AFG1L: variants seen among roughly 807,000 people sequenced by gnomAD.
The protein encoded by AFG1L is AFG1-like ATPase.
In AFG1L, 53 loss-of-function variants were observed where a neutral mutation model predicts 62.2. The ratio of observed to expected loss-of-function variants is 0.85; its 90% CI spans 0.68 to 1.07. The LOEUF (loss-of-function observed/expected upper bound fraction) is 1.07. Ranked by LOEUF, AFG1L falls within the 50% of genes least tolerant of loss-of-function variation. The pLI is 0.00. For synonymous variants in AFG1L, 228 were observed against 210.3 expected, an observed-to-expected ratio of 1.08 and a Z score of -0.73; for missense variants, 555 against 590.5, an observed-to-expected ratio of 0.94 and a Z score of 0.62.
intron 7 of AFG1L, among the ~76,000 whole-genome samples, chr6:108,428,963 A>G (rs1770945416): frequency 6.6e-6 from 1 of 151,956 alleles, no homozygotes; most frequent in Non-Finnish European, 1.5e-5. Flanking sequence ...TTTTTGCTGT[A>G]CTTGCTTTTG....
intron 1 of AFG1L, among the ~76,000 whole-genome samples, chr6:108,296,472 T>G (rs1776770380): frequency 6.6e-6 from 1 of 152,182 alleles, no homozygotes; most frequent in Admixed American, 6.5e-5. Context: ...GTTTTTCTCC[T>G]CAGAGGCAAT....
At chr6:108,346,554 G>T (rs967829957) in intron 2 of AFG1L, among the ~76,000 whole-genome samples, 19 of 152,080 alleles carry the variant, frequency 1.2e-4, no homozygotes, top group African/African-American at 4.6e-4. Context: ...TATTTGCAGA[G>T]ATGAGGTCTC....
intron 3 of AFG1L, among the ~76,000 whole-genome samples, chr6:108,352,866 C>G (rs1779136831): frequency 6.6e-6 from 1 of 152,038 alleles, no homozygotes; most frequent in African/African-American, 2.4e-5. Context: ...CCACCTGTTC[C>G]TTATATTATT....
At chr6:108,404,952 A>G (rs1427677571) in intron 7 of AFG1L, among the ~76,000 whole-genome samples, 1 of 151,922 alleles carries the variant, frequency 6.6e-6, no homozygotes. Flanking sequence ...CTGGTCTCAA[A>G]CTCCTGACCT....
chr6:108,481,919 A>G (rs2114827284), intron 10 of AFG1L, among the ~76,000 whole-genome samples: 1 of 152,230 alleles, frequency 6.6e-6, no homozygotes, highest in East Asian at 1.9e-4. Flanking sequence ...TTTGACAGAC[A>G]TTTTCTTGAA....
rs1470005469 is a variant in AFG1L, at chr6:108,356,700, C to T, written c.528C>T (p.Arg176=). 6.2e-7 allele frequency: 1 copy of T among 1,608,682 alleles called. No homozygotes were observed. The highest frequency in any genetic ancestry group is 8.5e-7 in the Non-Finnish European group (1 of 1,177,364). The change falls in exon 5 of 13, where the codon CGC becomes CGT. Residue 176 remains arginine (R), a synonymous_variant. Coordinates refer to ENST00000368977, the MANE Select transcript of AFG1L (RefSeq NM_145315.5). ...FMLDVHKRIH[R]LKQSLPKRKP... is the part of the protein sequence containing the mutation. ...TTTCATGCATTTAAGGAATACATCG[C>T]CTTAAACAGAGTTTGCCAAAAAGGA...
intron 6 of AFG1L, among the ~76,000 whole-genome samples, chr6:108,376,854 A>G (rs981900254): frequency 6.6e-6 from 1 of 152,028 alleles, no homozygotes; most frequent in African/African-American, 2.4e-5. Flanking sequence ...CCCTACTATT[A>G]TTGTGTGGCT....
At chr6:108,369,222 G>A (rs907478576) in intron 6 of AFG1L, among the ~76,000 whole-genome samples, 26 of 152,136 alleles carry the variant, frequency 1.7e-4, no homozygotes, top group East Asian at 7.7e-4. Context: ...AAGGTCCAGG[G>A]TGAGGAGGTG....
chr6:108,447,868 A>G (rs1161272122), intron 8 of AFG1L, among the ~76,000 whole-genome samples: 1 of 152,200 alleles, frequency 6.6e-6, no homozygotes, highest in East Asian at 1.9e-4. Context: ...TTTGTTTTAA[A>G]ATGTCCTTTG....
At chr6:108,322,026 G>A (rs1777829658) in intron 1 of AFG1L, among the ~76,000 whole-genome samples, 1 of 152,076 alleles carries the variant, frequency 6.6e-6, no homozygotes, top group Non-Finnish European at 1.5e-5. Flanking sequence ...TGGGACTACA[G>A]GCACATGCTA....
intron 7 of AFG1L, among the ~76,000 whole-genome samples, chr6:108,437,025 C>G (rs1469165615): frequency 6.6e-6 from 1 of 152,112 alleles, no homozygotes; most frequent in Non-Finnish European, 1.5e-5. Flanking sequence ...TTAGCTGTGT[C>G]CTCACATCAT....
intron 6 of AFG1L, among the ~76,000 whole-genome samples, chr6:108,399,769 CTTTTTTTTTT>C (rs757924406): frequency 2.3e-4 from 10 of 42,688 alleles, no homozygotes; most frequent in African/African-American, 6.7e-4. Context: ...AAGTATCTCT[CTTTTTTTTTT>C]TTTTTTTTTT....
rs779532068 is a variant in AFG1L, at chr6:108,477,293, G to A, written c.1062+1G>A. ...CACATTTGAAGAGCTGTGTGAGAGA[G>A]TAAGTATCCAGGCACGTCCAGACTC... On this transcript the variant is annotated splice_donor_variant, in intron 10 of 12. Coordinates refer to ENST00000368977, the MANE Select transcript of AFG1L (RefSeq NM_145315.5). LOFTEE classifies it high-confidence loss of function. The A allele has an allele frequency of 6.3e-7, 1 of 1,590,146 alleles. No homozygotes were observed. Among genetic ancestry groups the A allele is most frequent in the South Asian group, 1.1e-5 (1 of 89,008 alleles).
At chr6:108,444,689 A>G (rs1213716363) in intron 7 of AFG1L, among the ~76,000 whole-genome samples, 1 of 152,216 alleles carries the variant, frequency 6.6e-6, no homozygotes, top group Non-Finnish European at 1.5e-5. Context: ...TTTGAAAACA[A>G]TCTTTCTTCT....
chr6:108,424,731 G>A (rs1562152811), intron 7 of AFG1L, among the ~76,000 whole-genome samples: 1 of 152,068 alleles, frequency 6.6e-6, no homozygotes, highest in Non-Finnish European at 1.5e-5. Context: ...TAAATTAAAA[G>A]CACAACTTTT....
intron 6 of AFG1L, chr6:108,387,499 T>G (rs1780819683): frequency 6.6e-6 from 1 of 152,294 alleles, no homozygotes; most frequent in Non-Finnish European, 1.5e-5. Flanking sequence ...CCTGTGTCCC[T>G]TGTTCCTGGG....
intron 5 of AFG1L, among the ~76,000 whole-genome samples, chr6:108,365,271 T>C (rs931756015): frequency 6.6e-6 from 1 of 152,176 alleles, no homozygotes; most frequent in Admixed American, 6.5e-5. Context: ...AGTCAACTTC[T>C]TTCCCTTCTT....
intron 5 of AFG1L, chr6:108,359,681 G>A (rs1285610983): frequency 1.3e-5 from 2 of 152,230 alleles, no homozygotes; most frequent in East Asian, 1.9e-4. Context: ...GTGTGGCTTG[G>A]CGAATGGGCC....
intron 8 of AFG1L, among the ~76,000 whole-genome samples, chr6:108,449,265 T>C (rs1771953249): frequency 6.6e-6 from 1 of 151,904 alleles, no homozygotes; most frequent in African/African-American, 2.4e-5. Context: ...CTATCTATTA[T>C]CTATCTATCT....
Sources: gnomAD v4.1 joint callset for allele counts (sites outside exome capture counted in the v4.1 genomes callset) on GRCh38, gnomAD v4.1.1 for gene constraint, MANE v1.5 for transcripts, NCBI Gene and HGNC (gene_info 2026-07-23, HGNC 2026-07-21) for gene names.